GLDN: variants seen among roughly 807,000 people sequenced by gnomAD.
The protein encoded by GLDN is gliomedin, also known as collomin.
A neutral mutation model predicts 56.5 loss-of-function variants in GLDN; 47 were observed. That is an observed-to-expected ratio of 0.83 (90% CI 0.66 to 1.06). The LOEUF is 1.06. GLDN is among the 50% of genes least tolerant of loss of function. The pLI, the probability that GLDN is intolerant of heterozygous loss-of-function variation, is 0.00. For missense variants in GLDN, 782 were observed against 714.3 expected, an observed-to-expected ratio of 1.09 and a Z score of -1.08; for synonymous variants, 332 against 278.8, an observed-to-expected ratio of 1.19 and a Z score of -1.90.
chr15:51,391,528 T>C (rs535459577), intron 4 of GLDN, among the ~76,000 whole-genome samples: 43 of 152,352 alleles, frequency 2.8e-4, no homozygotes, highest in African/African-American at 1.0e-3. Flanking sequence ...CCTCGTTTTT[T>C]GTCTCCTTCA....
chr15:51,399,932 C>T (rs16964338), intron 6 of GLDN, among the ~76,000 whole-genome samples: 1,548 of 152,270 alleles, frequency 0.01, 26 homozygotes, highest in African/African-American at 0.036. Context: ...CTTTTACTGA[C>T]GTCCTTTTGG....
At position 51,400,206 on chromosome 15, in the gene GLDN, A is replaced by G. The variant is rs747557430; in HGVS notation, c.832A>G (p.Ile278Val). Reference sequence around the variant, plus strand: ...TGTCATTTTAGGTGAGACTTGTGCCATACCAAATGATGATACCTTGGTTGG... The same window carrying G: ...TGTCATTTTAGGTGAGACTTGTGCCGTACCAAATGATGATACCTTGGTTGG... ...NGQCPGETCA[I>V]PNDDTLVGKA... is the part of the protein sequence containing the mutation. The change falls in exon 7 of 10, where the codon ATA becomes GTA. Residue 278 changes from isoleucine (I) to valine (V), a missense_variant. Transcript: ENST00000335449. 1 of 1,614,134 alleles carries G rather than the reference A, an allele frequency of 6.2e-7. No individual in the cohort carries two copies. Among genetic ancestry groups the G allele is most frequent in the South Asian group, 1.1e-5 (1 of 91,074 alleles).
intron 1 of GLDN, among the ~76,000 whole-genome samples, chr15:51,354,176 G>T (rs2037131423): frequency 6.6e-6 from 1 of 152,288 alleles, no homozygotes; most frequent in East Asian, 1.9e-4. Flanking sequence ...AAAAGTCTGT[G>T]CTTGCCAAAG....
chr15:51,365,154 A>G (rs896683105), intron 1 of GLDN, among the ~76,000 whole-genome samples: 2 of 152,162 alleles, frequency 1.3e-5, no homozygotes, highest in African/African-American at 2.4e-5. Flanking sequence ...GGAGAGCCCA[A>G]CTCTTGATGG....
chr15:51,361,487 C>T (rs1484323883), intron 1 of GLDN, among the ~76,000 whole-genome samples: 1 of 151,976 alleles, frequency 6.6e-6, no homozygotes, highest in Non-Finnish European at 1.5e-5. Flanking sequence ...TAAAAAAATC[C>T]CATCCTAGGA....
intron 1 of GLDN, among the ~76,000 whole-genome samples, chr15:51,376,922 C>T (rs61125107): frequency 0.019 from 2,823 of 152,176 alleles, 93 homozygotes; most frequent in African/African-American, 0.065. Flanking sequence ...GAAGACCTGC[C>T]TAAGGCTGTT....
intron 9 of GLDN, among the ~76,000 whole-genome samples, chr15:51,403,792 C>G (rs575585920): frequency 6.6e-6 from 1 of 152,250 alleles, no homozygotes; most frequent in Non-Finnish European, 1.5e-5. Context: ...GTTAGAAACC[C>G]TAAGTTCAAC....
intron 1 of GLDN, 32 bp downstream of exon 1, chr15:51,342,079 C>T: frequency 1.9e-6 from 3 of 1,588,304 alleles, no homozygotes; most frequent in Non-Finnish European, 2.6e-6. Flanking sequence ...CGTGGCGCCC[C>T]GGCCAGGTGG....
At position 51,404,702 on chromosome 15, in the gene GLDN, G is replaced by C; in HGVS notation, c.1604G>C (p.Gly535Ala). Residue 535 changes from glycine to alanine, a missense_variant, in exon 10 of 10, where the codon GGC (glycine) becomes GCC (alanine). Transcript: ENST00000335449. The part of the protein sequence containing the change: ...RDQHLYSWED[G>A]HLMLYPVQFL... Reference sequence around the variant, plus strand: ...CAGCATTTATATTCATGGGAAGATGGCCATTTAATGCTTTATCCTGTGCAG... The same window carrying C: ...CAGCATTTATATTCATGGGAAGATGCCCATTTAATGCTTTATCCTGTGCAG... The C allele has an allele frequency of 1.2e-6, 2 of 1,611,246 alleles. No individual in the cohort carries two copies. The highest frequency in any genetic ancestry group is 1.7e-6 in the Non-Finnish European group (2 of 1,177,454).
downstream of GLDN, among the ~76,000 whole-genome samples, chr15:51,409,650 T>A (rs1467032265): frequency 1.3e-5 from 2 of 152,194 alleles, no homozygotes; most frequent in African/African-American, 4.8e-5. Flanking sequence ...CATCCACAAT[T>A]GCAGGATGAG....
At chr15:51,383,336 C>A in intron 2 of GLDN, 100 bp from the exon 3 acceptor site, 1 of 1,283,594 alleles carries the variant, frequency 7.8e-7, no homozygotes, top group Non-Finnish European at 1.1e-6. Flanking sequence ...AAATCCATTG[C>A]TTAGGGTCAG....
At chr15:51,408,571 T>G (rs1388859330), downstream of GLDN, among the ~76,000 whole-genome samples, 2 of 152,160 alleles carry the variant, frequency 1.3e-5, no homozygotes, top group East Asian at 1.9e-4. Flanking sequence ...TAAGTTCTAG[T>G]GTACATGTGC....
chr15:51,377,183 T>C (rs1704513167), intron 1 of GLDN: 1 of 504,256 alleles, frequency 2.0e-6, no homozygotes, highest in Non-Finnish European at 3.5e-6. Flanking sequence ...AAACACGAAG[T>C]CATGCATTGC....
chr15:51,411,316 C>A (rs1210825898), downstream of GLDN, among the ~76,000 whole-genome samples: 1 of 152,170 alleles, frequency 6.6e-6, no homozygotes, highest in Non-Finnish European at 1.5e-5. Context: ...AGTTACCAAC[C>A]TCCAAAGAAG....
intron 2 of GLDN, among the ~76,000 whole-genome samples, chr15:51,382,013 G>A (rs1034284315): frequency 6.6e-6 from 1 of 151,924 alleles, no homozygotes; most frequent in Admixed American, 6.6e-5. Flanking sequence ...CCATACCCAG[G>A]TCCTTCTTCA....
At chr15:51,408,468 G>A (rs1341384946), downstream of GLDN, among the ~76,000 whole-genome samples, 4 of 152,150 alleles carry the variant, frequency 2.6e-5, no homozygotes, top group African/African-American at 9.7e-5. Flanking sequence ...TAATTATACA[G>A]TTTTTGGCAA....
Position 51,404,336 on chromosome 15 carries a change from A to C in GLDN, c.1238A>C (p.Asp413Ala). The change falls in exon 10 of 10, where the codon GAT becomes GCT. Residue 413 changes from aspartate (D) to alanine (A), a missense_variant. Transcript: ENST00000335449. The stretch of plus-strand genomic sequence containing the variant: ...AAGCTTGAAAATGCCTTGTATTTTG[A>C]TCGAAAATACCTTTTTGCAAATTCC... ...TLKLENALYFDRKYLFANSKT... is the reference protein window; with the variant it reads ...TLKLENALYFARKYLFANSKT... 1 of 1,612,718 alleles carries C rather than the reference A, an allele frequency of 6.2e-7. No homozygotes were observed. The highest frequency in any genetic ancestry group is 8.5e-7 in the Non-Finnish European group (1 of 1,179,674).
chr15:51,389,730 C>T (rs971427659), intron 4 of GLDN, among the ~76,000 whole-genome samples: 41 of 152,224 alleles, frequency 2.7e-4, no homozygotes, highest in South Asian at 4.2e-4. Context: ...TTTGATTTTT[C>T]GAGACGGTAA....
intron 1 of GLDN, among the ~76,000 whole-genome samples, chr15:51,353,714 T>TAAA (rs1555401993): frequency 1.5e-4 from 11 of 72,142 alleles, no homozygotes; most frequent in African/African-American, 4.8e-4. Context: ...CGGATTTGAT[T>TAAA]AAAAAAAAAA....
Sources: allele counts gnomAD v4.1 joint callset (sites outside exome capture counted in the v4.1 genomes callset), GRCh38; gene constraint gnomAD v4.1.1; transcripts MANE v1.5; gene names NCBI Gene and HGNC (gene_info 2026-07-23, HGNC 2026-07-21).